The following HS3ST4 variants were observed in gnomAD, a reference collection of about 807,000 sequenced individuals.
HS3ST4 encodes heparan sulfate-glucosamine 3-sulfotransferase 4.
In HS3ST4, 17 loss-of-function variants were observed where a neutral mutation model predicts 29.2. That is an observed-to-expected ratio of 0.58 (90% CI 0.40 to 0.87). The LOEUF (loss-of-function observed/expected upper bound fraction) is 0.87, where lower values mean the gene tolerates loss of function less well. HS3ST4 is among the 40% of genes least tolerant of loss of function. The probability of loss-of-function intolerance (pLI) is 0.00; values close to 1 mark genes in which losing one functional copy is unlikely to be tolerated. For synonymous variants in HS3ST4, 314 were observed against 285.7 expected (o/e 1.10, Z -1.00); for missense variants, 627 against 634.5 (o/e 0.99, Z 0.13).
intron 1 of HS3ST4, among the ~76,000 whole-genome samples, chr16:26,007,846 C>T (rs1263285714): frequency 6.6e-6 from 1 of 152,072 alleles, no homozygotes; most frequent in Non-Finnish European, 1.5e-5. Context: ...TTCCCCCGCC[C>T]ACCACCTATC....
chr16:26,044,619 G>A (rs1898243742), intron 1 of HS3ST4, among the ~76,000 whole-genome samples: 1 of 152,002 alleles, frequency 6.6e-6, no homozygotes, highest in Non-Finnish European at 1.5e-5. Flanking sequence ...CATGGTAAAT[G>A]TAAGTTAAAA....
intron 1 of HS3ST4, among the ~76,000 whole-genome samples, chr16:26,065,127 A>G (rs954807220): frequency 6.6e-6 from 1 of 152,248 alleles, no homozygotes; most frequent in South Asian, 2.1e-4. Flanking sequence ...TACTGGGTAT[A>G]TACCCAAAGG....
chr16:25,828,298 TTCCCTC>T (rs1383467089), intron 1 of HS3ST4, among the ~76,000 whole-genome samples: 333 of 27,728 alleles, frequency 0.012, 1 homozygote, highest in South Asian at 0.023. Context: ...CTTTCTTTCT[TTCCCTC>T]TCTCTCTCTC....
chr16:25,824,388 T>C (rs565018607), intron 1 of HS3ST4, among the ~76,000 whole-genome samples: 1 of 152,254 alleles, frequency 6.6e-6, no homozygotes, highest in African/African-American at 2.4e-5. Flanking sequence ...GGGTAATTTA[T>C]AAAGGAAAGA....
At chr16:25,820,938 A>C (rs1402932741) in intron 1 of HS3ST4, among the ~76,000 whole-genome samples, 1 of 152,108 alleles carries the variant, frequency 6.6e-6, no homozygotes, top group Non-Finnish European at 1.5e-5. Context: ...AATAAGTGGA[A>C]TTGATGAATG....
intron 1 of HS3ST4, among the ~76,000 whole-genome samples, chr16:25,805,801 C>A (rs8048370): frequency 0.37 from 55,927 of 151,946 alleles, 10,489 homozygotes; most frequent in East Asian, 0.49. Flanking sequence ...ACCTATCAAC[C>A]GAAGACCTAG....
chr16:25,727,722 C>T (rs932611481), intron 1 of HS3ST4, among the ~76,000 whole-genome samples: 5 of 152,142 alleles, frequency 3.3e-5, no homozygotes, highest in East Asian at 1.9e-4. Context: ...AATCCATTTA[C>T]GGGGTGACTT....
intron 1 of HS3ST4, among the ~76,000 whole-genome samples, chr16:25,862,908 A>G (rs6650564): frequency 0.18 from 27,496 of 152,140 alleles, 2,754 homozygotes; most frequent in African/African-American, 0.27. Context: ...GTGTCTGAGC[A>G]TTCCTATTGC....
chr16:25,724,977 T>A (rs546238919), intron 1 of HS3ST4, among the ~76,000 whole-genome samples: 1 of 152,072 alleles, frequency 6.6e-6, no homozygotes, highest in Non-Finnish European at 1.5e-5. Context: ...ATTAGGTATT[T>A]TTTGTGCTTT....
In HS3ST4 at chr16:25,692,952, G is replaced by C. The variant is rs538838952; in HGVS notation, c.535G>C (p.Gly179Arg). Reference sequence around the variant, plus strand: ...TCTCGCAGGCCGGAGAGCGGCCAACGGGAGCAGCGAGAGGGGCGGCGCCGT... The same window carrying C: ...TCTCGCAGGCCGGAGAGCGGCCAACCGGAGCAGCGAGAGGGGCGGCGCCGT... ...EDLAGRRAAN[G>R]SSERGGAVST... Residue 179 changes from glycine to arginine, a missense_variant, in exon 1 of 2, where the codon GGG (glycine) becomes CGG (arginine). Gly to Arg is a moderately radical substitution (Grantham distance 125). This residue lies in a region of HS3ST4 where 402 missense variants were observed against 340.8 expected (regional missense o/e 1.18). Coordinates refer to ENST00000331351, the MANE Select transcript of HS3ST4 (RefSeq NM_006040.3). 17 of 1,610,036 alleles carry C rather than the reference G, an allele frequency of 1.1e-5. No homozygotes were observed. In the African/African-American group the frequency reaches 1.9e-4, roughly 18 times the overall value.
At chr16:25,995,024 C>T (rs1231043218) in intron 1 of HS3ST4, among the ~76,000 whole-genome samples, 1 of 152,038 alleles carries the variant, frequency 6.6e-6, no homozygotes, top group Non-Finnish European at 1.5e-5. Flanking sequence ...CATCAATGTC[C>T]CCAGCATGTT....
chr16:25,829,584 G>A (rs1967272777), intron 1 of HS3ST4, among the ~76,000 whole-genome samples: 1 of 151,922 alleles, frequency 6.6e-6, no homozygotes, highest in Non-Finnish European at 1.5e-5. Context: ...CCCCGACCCT[G>A]CAACAGGCCC....
At chr16:26,063,360 G>A (rs965660083) in intron 1 of HS3ST4, among the ~76,000 whole-genome samples, 4 of 152,066 alleles carry the variant, frequency 2.6e-5, no homozygotes, top group Admixed American at 6.6e-5. Context: ...CAGCAAATGA[G>A]ACCATGCTCA....
Position 25,692,211 on chromosome 16 carries a change from G to A in HS3ST4, c.-207G>A. 1 of 149,906 alleles carries A rather than the reference G, an allele frequency of 6.7e-6. No individual in the cohort carries two copies. The allele number at this position is 149,906 out of a possible 1,614,324, so 9.3% of individuals were successfully genotyped here. A position where few individuals can be genotyped will look rare whatever the true frequency, so the allele number is the denominator to read the frequency against. On this transcript the variant is annotated 5_prime_UTR_variant, in exon 1 of 2. Coordinates refer to ENST00000331351, the MANE Select transcript of HS3ST4 (RefSeq NM_006040.3). Reference sequence around the variant, plus strand: ...GACTCGGCGGGCAGCGTGGGGCGGGGGGCCATGCGGCCGGGCTCCCCCCTG... The same window carrying A: ...GACTCGGCGGGCAGCGTGGGGCGGGAGGCCATGCGGCCGGGCTCCCCCCTG...
At chr16:26,099,934 G>T (rs1044216655) in intron 1 of HS3ST4, among the ~76,000 whole-genome samples, 1 of 152,170 alleles carries the variant, frequency 6.6e-6, no homozygotes, top group African/African-American at 2.4e-5. Context: ...GTAAAGAGGA[G>T]AAGGGGCTTC....
chr16:25,907,630 A>G (rs531137521), intron 1 of HS3ST4, among the ~76,000 whole-genome samples: 1 of 152,148 alleles, frequency 6.6e-6, no homozygotes, highest in Admixed American at 6.5e-5. Flanking sequence ...ACCCAAAGAT[A>G]CCCTTATCCT....
intron 1 of HS3ST4, among the ~76,000 whole-genome samples, chr16:25,854,267 C>T (rs1156297041): frequency 6.6e-6 from 1 of 152,078 alleles, no homozygotes; most frequent in Non-Finnish European, 1.5e-5. Context: ...GTGGCTACTT[C>T]CTGGAACTGA....
intron 1 of HS3ST4, among the ~76,000 whole-genome samples, chr16:26,093,991 A>G (rs934957487): frequency 6.6e-6 from 1 of 152,218 alleles, no homozygotes; most frequent in Non-Finnish European, 1.5e-5. Flanking sequence ...AGCTGACTTG[A>G]TCAAGTGGAA....
chr16:26,124,473 G>A (rs1301323264), intron 1 of HS3ST4, among the ~76,000 whole-genome samples: 2 of 152,042 alleles, frequency 1.3e-5, no homozygotes, highest in Admixed American at 6.6e-5. Context: ...TAATTACTTG[G>A]ATAAGTAAAG....
Sources: gnomAD v4.1 joint callset for allele counts (sites outside exome capture counted in the v4.1 genomes callset) on GRCh38, gnomAD v4.1.1 for gene constraint, gnomAD v4.1.1 regional missense constraint, MANE v1.5 for transcripts, NCBI Gene and HGNC (gene_info 2026-07-23, HGNC 2026-07-21) for gene names.